Variants in WWC1 observed in about 807,000 individuals in gnomAD.
WWC1 encodes protein KIBRA.
In WWC1, 55 loss-of-function variants were observed where a neutral mutation model predicts 138.4. The observed-to-expected ratio is 0.40, with a 90% confidence interval of 0.32 to 0.50. The LOEUF (loss-of-function observed/expected upper bound fraction) is 0.50. Ranked by LOEUF, WWC1 falls within the 20% of genes least tolerant of loss-of-function variation. WWC1 has a pLI of 0.72. For synonymous variants in WWC1, 524 were observed against 564.9 expected (o/e 0.93, Z 1.03); for missense variants, 1,226 against 1,420.4 (o/e 0.86, Z 2.20).
At chr5:168,377,473 T>C (rs751151622) in intron 2 of WWC1, among the ~76,000 whole-genome samples, 31 of 152,260 alleles carry the variant, frequency 2.0e-4, no homozygotes, top group Admixed American at 1.8e-3. Context: ...CAAAAGAAGC[T>C]ATCAACAGAG....
intron 17 of WWC1, among the ~76,000 whole-genome samples, chr5:168,449,352 C>A (rs1755586415): frequency 1.3e-5 from 2 of 152,256 alleles, no homozygotes; most frequent in African/African-American, 4.8e-5. Flanking sequence ...GTTTTGCAAT[C>A]CTGGCTCCAC....
At chr5:168,395,555 G>A (rs560459554) in intron 3 of WWC1, among the ~76,000 whole-genome samples, 2 of 152,210 alleles carry the variant, frequency 1.3e-5, no homozygotes, top group East Asian at 1.9e-4. Context: ...TATGCTTAAG[G>A]TGATACCTCC....
chr5:168,367,802 G>A (rs1168099376), intron 1 of WWC1, among the ~76,000 whole-genome samples: 1 of 152,052 alleles, frequency 6.6e-6, no homozygotes, highest in African/African-American at 2.4e-5. Flanking sequence ...TCTAGGCCTA[G>A]AGTTAGCCCT....
At chr5:168,408,736 G>A in intron 7 of WWC1, 83 bp downstream of exon 7, 1 of 1,562,572 alleles carries the variant, frequency 6.4e-7, no homozygotes, top group Non-Finnish European at 8.7e-7. Context: ...GCCTTCTCAT[G>A]GCTCACCAGG....
intron 6 of WWC1, among the ~76,000 whole-genome samples, chr5:168,407,938 C>T (rs1779925450): frequency 6.6e-6 from 1 of 151,758 alleles, no homozygotes; most frequent in Admixed American, 6.6e-5. Flanking sequence ...TCATAGCTCA[C>T]TGCAGCGTCA....
At chr5:168,431,157 T>C in intron 14 of WWC1, 95 bp from the exon 15 acceptor site, 1 of 1,115,614 alleles carries the variant, frequency 9.0e-7, no homozygotes, top group Non-Finnish European at 1.3e-6. Context: ...TCATCCACTG[T>C]TGTTTGCTTA....
In WWC1 at chr5:168,454,031, G is replaced by A. The variant is rs753381212; in HGVS notation, c.2589G>A (p.Glu863=). ...VAEEEEEEVE[E]EEGEEDVFTE... is the part of the protein sequence containing the mutation. ...AGGAAGAGGAGGAGGAGGTGGAGGA[G>A]GAGGAGGGAGAAGAGGATGTTTTCA... Residue 863 remains glutamate, a synonymous_variant, in exon 18 of 23, where the codon GAG becomes GAA. Coordinates refer to ENST00000265293, the MANE Select transcript of WWC1 (RefSeq NM_015238.3). 3 of 1,613,100 alleles carry A rather than the reference G, an allele frequency of 1.9e-6. No individual in the cohort carries two copies. Among genetic ancestry groups the A allele is most frequent in the Non-Finnish European group, 2.5e-6 (3 of 1,179,942 alleles).
At chr5:168,462,793 C>T (rs1288951831) in intron 20 of WWC1, among the ~76,000 whole-genome samples, 2 of 152,244 alleles carry the variant, frequency 1.3e-5, no homozygotes, top group Non-Finnish European at 2.9e-5. Flanking sequence ...CTTGCTTCCA[C>T]GCACTACCTG....
intron 10 of WWC1, among the ~76,000 whole-genome samples, chr5:168,423,149 C>CA (rs773855632): frequency 0.083 from 5,881 of 70,786 alleles, 19 homozygotes; most frequent in Non-Finnish European, 0.11. Context: ...CATCCCCCCC[C>CA]AAAAAAAAAA....
chr5:168,381,554 C>A (rs1318912829), intron 2 of WWC1, among the ~76,000 whole-genome samples: 1 of 152,100 alleles, frequency 6.6e-6, no homozygotes, highest in East Asian at 1.9e-4. Context: ...ATTCTCACTC[C>A]CAGAGATTGG....
intron 1 of WWC1, among the ~76,000 whole-genome samples, chr5:168,337,235 G>A (rs1028477043): frequency 3.3e-5 from 5 of 152,170 alleles, no homozygotes; most frequent in Non-Finnish European, 7.3e-5. Context: ...GTGGGGAGCA[G>A]CCTGTCTTGG....
chr5:168,386,925 C>T (rs1420017477), intron 3 of WWC1, among the ~76,000 whole-genome samples: 5 of 152,212 alleles, frequency 3.3e-5, no homozygotes, highest in African/African-American at 2.4e-5. Context: ...GCTGGGATTA[C>T]AGGTGTGAGC....
chr5:168,423,160 A>AAAAAAC (rs1781244553), intron 10 of WWC1, among the ~76,000 whole-genome samples: 4 of 150,430 alleles, frequency 2.7e-5, no homozygotes, highest in African/African-American at 9.8e-5. Context: ...AAAAAAAAAA[A>AAAAAAC]AAAAAAAAAA....
chr5:168,371,492 A>G lies in WWC1; in HGVS notation c.188A>G (p.Tyr63Cys), dbSNP rs1450088271. The part of the protein sequence containing the change: ...DELPLGWEEA[Y>C]DPQVGDYFID... ...TTGCCGCTAGGATGGGAAGAGGCAT[A>G]TGACCCACAGGTTGGAGATTACTTC... The change falls in exon 2 of 23, where the codon TAT becomes TGT. Residue 63 changes from tyrosine to cysteine, a missense_variant. By Grantham distance (194) the Tyr-to-Cys change is radical. Transcript: ENST00000265293. The G allele has an allele frequency of 1.9e-6, 3 of 1,614,072 alleles. No individual in the cohort carries two copies. Among genetic ancestry groups the G allele is most frequent in the Non-Finnish European group, 2.5e-6 (3 of 1,179,998 alleles).
chr5:168,403,063 T>TTTCTTTC (rs1383171845), intron 5 of WWC1, among the ~76,000 whole-genome samples: 1 of 123,466 alleles, frequency 8.1e-6, no homozygotes, highest in East Asian at 2.2e-4. Context: ...TCTTTCTTTC[T>TTTCTTTC]TTCTTTCTTT....
intron 1 of WWC1, among the ~76,000 whole-genome samples, chr5:168,301,248 T>C (rs1770042698): frequency 1.3e-5 from 2 of 152,212 alleles, no homozygotes; most frequent in African/African-American, 4.8e-5. Context: ...AACATGGGAT[T>C]GCATACCACA....
intron 2 of WWC1, among the ~76,000 whole-genome samples, chr5:168,381,482 G>A (rs1187161892): frequency 1.3e-5 from 2 of 152,148 alleles, no homozygotes; most frequent in South Asian, 2.1e-4. Flanking sequence ...CTTAAACACC[G>A]GTTCTCACCT....
intron 1 of WWC1, among the ~76,000 whole-genome samples, chr5:168,366,773 A>G (rs1049234488): frequency 2.0e-5 from 3 of 151,266 alleles, no homozygotes; most frequent in Non-Finnish European, 1.5e-5. Context: ...CAAGCTCAGT[A>G]AATCATTTGT....
chr5:168,327,591 T>C (rs938140432), intron 1 of WWC1, among the ~76,000 whole-genome samples: 1 of 152,250 alleles, frequency 6.6e-6, no homozygotes, highest in African/African-American at 2.4e-5. Flanking sequence ...CTGAGTGAGA[T>C]TGTGGCTTTT....
Sources: gnomAD v4.1 joint callset for allele counts (sites outside exome capture counted in the v4.1 genomes callset) on GRCh38, gnomAD v4.1.1 for gene constraint, MANE v1.5 for transcripts, NCBI Gene and HGNC (gene_info 2026-07-23, HGNC 2026-07-21) for gene names.